FCRL3: variants seen among roughly 807,000 people sequenced by gnomAD.
FCRL3 encodes Fc receptor-like protein 3.
In FCRL3, 89 loss-of-function variants were observed where a neutral mutation model predicts 75.0. The observed-to-expected ratio is 1.19, with a 90% CI of 1.00 to 1.42. The LOEUF (loss-of-function observed/expected upper bound fraction) is 1.42. Among genes scored for constraint, FCRL3 ranks in the 40% most tolerant of loss-of-function variants. FCRL3 has a pLI of 0.00. For synonymous variants in FCRL3, 376 were observed against 348.5 expected, an observed-to-expected ratio of 1.08 and a Z score of -0.88; for missense variants, 946 against 880.0, an observed-to-expected ratio of 1.07 and a Z score of -0.95.
At position 157,698,473 on chromosome 1, in the gene FCRL3, T is replaced by C. The variant is rs758981784; in HGVS notation, c.209A>G (p.Asp70Gly). 5 of 1,614,214 alleles carry C rather than the reference T, an allele frequency of 3.1e-6. No homozygotes were observed. The highest frequency in any genetic ancestry group is 4.2e-6 in the Non-Finnish European group (5 of 1,180,018). Residue 70 changes from aspartate (D) to glycine (G), a missense_variant, in exon 4 of 15, where the codon GAC becomes GGC. Asp to Gly is a moderately conservative substitution (Grantham distance 94, BLOSUM62 -1). Transcript: ENST00000368184. ...HDEKLLKIKH[D>G]KIQITEPGNY... The stretch of plus-strand genomic sequence containing the variant: ...TCCAGGCTCTGTAATTTGGATCTTG[T>C]CATGTTTTATTTTCAACAACTTCTC...
Position 157,696,039 on chromosome 1 carries a change from CT to C in FCRL3, c.1132del (p.Ile378PhefsTer30). ...LSTWIRVTVRIPVSHPVLTFR... is the reference protein window; with the variant it reads ...LSTWIRVTVRXPVSHPVLTFR... ...GCTGTGTGAAAGGAATCGGAACTTA[CT>C]TCTCACGGTGACTCGAATCCACGTG... On this transcript the variant is annotated frameshift_variant and splice_region_variant, in exon 7 of 15. Coordinates refer to ENST00000368184, the MANE Select transcript of FCRL3 (RefSeq NM_052939.4). LOFTEE classifies it high-confidence loss of function. 1 of 1,606,126 alleles carries C rather than the reference CT, an allele frequency of 6.2e-7. No individual in the cohort carries two copies. The highest frequency in any genetic ancestry group is 8.5e-7 in the Non-Finnish European group (1 of 1,176,052).
rs1048019044 is a variant in FCRL3, at chr1:157,678,207, AT to A, written c.*502del. 2.0e-6 allele frequency: 2 copies of A among 987,372 alleles called. No individual in the cohort carries two copies. Among genetic ancestry groups the A allele is most frequent in the Non-Finnish European group, 2.4e-6 (2 of 831,292 alleles). The allele number at this position is 987,372 out of a possible 1,614,324, so 61.2% of individuals were successfully genotyped here. On this transcript the variant is annotated 3_prime_UTR_variant, in exon 15 of 15. Transcript: ENST00000368184. ...TACACTTCAGATAGAGTCACCTTAA[AT>A]TCTTGTTCTATAACTTCTTTTGGCT...
chr1:157,681,229 G>A, intron 11 of FCRL3, 130 bp from the exon 12 acceptor site: 1 of 481,024 alleles, frequency 2.1e-6, no homozygotes, highest in East Asian at 3.5e-5. Flanking sequence ...GCTTCTGCTT[G>A]GGTCTTTTTT....
chr1:157,678,474 C>T lies in FCRL3; in HGVS notation c.*236G>A. ...AGGAGCTGAGGGCCCTCCTGCCTTGCCACGTGTCTCCACTGTGAAAATAAC... is the reference window on the plus strand; with the variant it reads ...AGGAGCTGAGGGCCCTCCTGCCTTGTCACGTGTCTCCACTGTGAAAATAAC... On this transcript the variant is annotated 3_prime_UTR_variant, in exon 15 of 15. Transcript: ENST00000368184. 1 of 1,372,138 alleles carries T rather than the reference C, an allele frequency of 7.3e-7. No individual in the cohort carries two copies. Among genetic ancestry groups the T allele is most frequent in the Non-Finnish European group, 9.4e-7 (1 of 1,061,784 alleles). The allele number at this position is 1,372,138 out of a possible 1,614,324, so 85.0% of individuals were successfully genotyped here.
chr1:157,698,104 A>T (rs1656074910), intron 4 of FCRL3, 185 bp from the exon 5 acceptor site: 2 of 762,704 alleles, frequency 2.6e-6, no homozygotes, highest in East Asian at 5.4e-5. Flanking sequence ...TTCCCAGAAA[A>T]TGTTCTTGAG....
intron 4 of FCRL3, 106 bp downstream of exon 4, chr1:157,698,278 A>T (rs1459454618): frequency 7.4e-7 from 1 of 1,356,220 alleles, no homozygotes; most frequent in East Asian, 2.3e-5. Flanking sequence ...TCAGTGCATC[A>T]ATCCCCATGT....
chr1:157,684,597 C>T (rs1176670900), intron 10 of FCRL3, among the ~76,000 whole-genome samples: 1 of 152,138 alleles, frequency 6.6e-6, no homozygotes, highest in African/African-American at 2.4e-5. Flanking sequence ...ATTTATTATA[C>T]AAGCTAATAT....
At chr1:157,689,489 A>AT (rs1655374427) in intron 10 of FCRL3, among the ~76,000 whole-genome samples, 1 of 152,146 alleles carries the variant, frequency 6.6e-6, no homozygotes, top group African/African-American at 2.4e-5. Flanking sequence ...TGATTTATTT[A>AT]TTTTTTGTTA....
Position 157,678,434 on chromosome 1 carries a change from C to T in FCRL3, c.*276G>A, listed in dbSNP as rs1211705187. On this transcript the variant is annotated 3_prime_UTR_variant, in exon 15 of 15. Coordinates refer to ENST00000368184, the MANE Select transcript of FCRL3 (RefSeq NM_052939.4). Reference sequence around the variant, plus strand: ...GGCTAGACCATTTCTCTCTCCTCCTCTATTCGACAGCCCTAGGAGCTGAGG... The same window carrying T: ...GGCTAGACCATTTCTCTCTCCTCCTTTATTCGACAGCCCTAGGAGCTGAGG... 8 of 1,289,448 alleles carry T rather than the reference C, an allele frequency of 6.2e-6. No homozygotes were observed. Among genetic ancestry groups the T allele is most frequent in the Non-Finnish European group, 7.9e-6 (8 of 1,012,994 alleles). 79.9% of individuals were successfully genotyped at this position (1,289,448 alleles called of 1,614,324 possible).
chr1:157,686,078 ACT>A (rs780025074), intron 10 of FCRL3, among the ~76,000 whole-genome samples: 11 of 152,040 alleles, frequency 7.2e-5, no homozygotes, highest in South Asian at 2.1e-4. Context: ...AGCCCTCAAG[ACT>A]CTGCCAAGAG....
At chr1:157,685,193 A>G (rs1366202424) in intron 10 of FCRL3, among the ~76,000 whole-genome samples, 1 of 151,818 alleles carries the variant, frequency 6.6e-6, no homozygotes, top group Non-Finnish European at 1.5e-5. Flanking sequence ...AGATTAGAAA[A>G]TGGCATCCCA....
intron 8 of FCRL3, 102 bp downstream of exon 8, chr1:157,695,227 G>T (rs1655803944): frequency 1.6e-6 from 2 of 1,215,512 alleles, no homozygotes; most frequent in East Asian, 2.3e-5. Context: ...AGAGTGGGAA[G>T]TCTATTGGGA....
rs1484912159 is a variant in FCRL3 at position 157,696,091 on chromosome 1, C to T, written c.1081G>A (p.Asp361Asn). 6.2e-7 allele frequency: 1 copy of T among 1,613,472 alleles called. No individual in the cohort carries two copies. The highest frequency in any genetic ancestry group is 8.5e-7 in the Non-Finnish European group (1 of 1,179,998). Residue 361 changes from aspartate to asparagine, a missense_variant, in exon 7 of 15, where the codon GAT becomes AAT. Physicochemically the swap from Asp to Asn is conservative, Grantham distance 23 (BLOSUM62 1). Transcript: ENST00000368184. ...CTGAGGATGGGGCTGTGAACGTTAT[C>T]AGCTGCACAGTAGTATCTCCCTGCA... ...SDAGRYYCAA[D>N]NVHSPILSTW... is the part of the protein sequence containing the mutation.
intron 10 of FCRL3, among the ~76,000 whole-genome samples, chr1:157,688,284 A>T (rs540473970): frequency 6.6e-6 from 1 of 152,156 alleles, no homozygotes; most frequent in Non-Finnish European, 1.5e-5. Context: ...TTATATTAAC[A>T]TATTAATATT....
intron 8 of FCRL3, 46 bp from the exon 9 acceptor site, chr1:157,690,579 A>T: frequency 6.3e-7 from 1 of 1,598,344 alleles, no homozygotes; most frequent in Non-Finnish European, 8.5e-7. Flanking sequence ...TTAAGTAGGT[A>T]TACAAGAGAA....
At position 157,681,055 on chromosome 1, in the gene FCRL3, G is replaced by C. The variant is rs757234631; in HGVS notation, c.1883C>G (p.Ser628Cys). 1 of 1,604,220 alleles carries C rather than the reference G, an allele frequency of 6.2e-7. No homozygotes were observed. Among genetic ancestry groups the C allele is most frequent in the African/African-American group, 1.3e-5 (1 of 74,370 alleles). Residue 628 changes from serine to cysteine, a missense_variant, in exon 12 of 15, where the codon TCC becomes TGC. Coordinates refer to ENST00000368184, the MANE Select transcript of FCRL3 (RefSeq NM_052939.4). ...ECQEPSSSRP[S>C]RIDPQEPTHS... ...AGTGGGCTCTTGAGGGTCTATCCTGGAAGGCCTGGACGAGGAAGGCTCCTG... is the reference window on the plus strand; with the variant it reads ...AGTGGGCTCTTGAGGGTCTATCCTGCAAGGCCTGGACGAGGAAGGCTCCTG...
At position 157,677,577 on chromosome 1, in the gene FCRL3, T is replaced by C; in HGVS notation, c.*1133A>G. On this transcript the variant is annotated 3_prime_UTR_variant, in exon 15 of 15. Coordinates refer to ENST00000368184, the MANE Select transcript of FCRL3 (RefSeq NM_052939.4). ...TTGTCATATTAAAAATTCAACACAC[T>C]GTGGAAAGAGTTTTTGATGGTGATA... The C allele has an allele frequency of 2.0e-6, 2 of 985,346 alleles. No individual in the cohort carries two copies. Among genetic ancestry groups the C allele is most frequent in the Non-Finnish European group, 2.4e-6 (2 of 829,910 alleles). The allele number at this position is 985,346 out of a possible 1,614,324, so 61.0% of individuals were successfully genotyped here.
In FCRL3 at chr1:157,678,708, G is replaced by T; in HGVS notation, c.*2C>A. On this transcript the variant is annotated 3_prime_UTR_variant, in exon 15 of 15. Transcript: ENST00000368184. ...TTCCTGTGGGCCACTCTGGGTAAGG[G>T]GCTAGTGGTCTGAGGCCAGTAATAC... 2 of 1,613,092 alleles carry T rather than the reference G, an allele frequency of 1.2e-6. No individual in the cohort carries two copies. Among genetic ancestry groups the T allele is most frequent in the Non-Finnish European group, 1.7e-6 (2 of 1,179,938 alleles).
At chr1:157,679,828 CACAAA>C (rs1416622478) in intron 13 of FCRL3, among the ~76,000 whole-genome samples, 759 of 27,834 alleles carry the variant, frequency 0.027, 17 homozygotes, top group African/African-American at 0.054. Flanking sequence ...GACCCCATCT[CACAAA>C]AAAAAAAAAA....
Sources: gnomAD v4.1 joint callset for allele counts (sites outside exome capture counted in the v4.1 genomes callset) on GRCh38, gnomAD v4.1.1 for gene constraint, MANE v1.5 for transcripts, NCBI Gene and HGNC (gene_info 2026-07-23, HGNC 2026-07-21) for gene names.